The following CAMSAP3 variants were observed in gnomAD, a reference collection of about 807,000 sequenced individuals.
CAMSAP3 encodes calmodulin regulated spectrin associated protein family member 3.
In CAMSAP3, 34 loss-of-function variants were observed where a neutral mutation model predicts 112.5. The ratio of observed to expected loss-of-function variants is 0.30; its 90% CI spans 0.23 to 0.40. The LOEUF (loss-of-function observed/expected upper bound fraction) is 0.40, where lower values mean the gene tolerates loss of function less well. Ranked by LOEUF, CAMSAP3 falls within the 10% of genes least tolerant of loss-of-function variation. CAMSAP3 has a pLI of 1.00. For synonymous variants in CAMSAP3, 868 were observed against 799.8 expected (o/e 1.09, Z -1.44); for missense variants, 1,602 against 1,770.3 (o/e 0.90, Z 1.71).
Position 7,605,447 on chromosome 19 carries a change from G to A in CAMSAP3, c.370G>A (p.Glu124Lys), listed in dbSNP as rs2030163436. The change falls in exon 2 of 17, where the codon GAG becomes AAG. Residue 124 changes from glutamate to lysine, a missense_variant. Glu to Lys is a moderately conservative substitution (Grantham distance 56, BLOSUM62 1). This residue lies in a region of CAMSAP3 where 35 missense variants were observed against 79.8 expected (regional missense o/e 0.44). Coordinates refer to ENST00000160298, the MANE Select transcript of CAMSAP3 (RefSeq NM_020902.2). ...TGCTTTGCCCGAGCGCCCGGTGCGC[G>A]AGGCCGACCTGAGGCACCAGCCCAT... ...VPALPERPVR[E>K]ADLRHQPILM... 1.4e-6 allele frequency: 2 copies of A among 1,456,930 alleles called. No homozygotes were observed. Among genetic ancestry groups the A allele is most frequent in the Non-Finnish European group, 1.8e-6 (2 of 1,102,098 alleles). The allele number at this position is 1,456,930 out of a possible 1,614,324, so 90.3% of individuals were successfully genotyped here. A position where few individuals can be genotyped will look rare whatever the true frequency, so the allele number is the denominator to read the frequency against.
intron 2 of CAMSAP3, 135 bp from the exon 3 acceptor site, chr19:7,606,136 G>GCCCCCCCCCCCCCAAACCCCCC: frequency 2.0e-6 from 1 of 511,800 alleles, no homozygotes; most frequent in South Asian, 2.0e-5. Context: ...TGAACCACTG[G>GCCCCCCCCCCCCCAAACCCCCC]CCCCGCCCCC....
In CAMSAP3 at chr19:7,608,248, G is replaced by A. The variant is rs779426193; in HGVS notation, c.744G>A (p.Gln248=). 6.8e-6 allele frequency: 11 copies of A among 1,612,118 alleles called. No homozygotes were observed. Among genetic ancestry groups the A allele is most frequent in the Non-Finnish European group, 9.3e-6 (11 of 1,179,338 alleles). Residue 248 remains glutamine, a synonymous_variant, in exon 5 of 17, where the codon CAG becomes CAA. Transcript: ENST00000160298. Reference sequence around the variant, plus strand: ...CCACCATCCACTGCTATTGTCCCCAGCTGCTTCGACTTGAGGGTGAGTAAA... The same window carrying A: ...CCACCATCCACTGCTATTGTCCCCAACTGCTTCGACTTGAGGGTGAGTAAA... ...LAATIHCYCP[Q]LLRLEEVCLK...
chr19:7,611,959 AG>A lies in CAMSAP3; in HGVS notation c.1470del (p.Ser492ProfsTer71). ...ADGSFYLHSPEGPSKPSLASP... is the reference protein window; with the variant it reads ...ADGSFYLHSPXGPSKPSLASP... ...GGCAGCTTCTACCTCCACTCCCCTG[AG>A]GGGCCCTCCAAGCCATCCCTGGCCT... On this transcript the variant is annotated frameshift_variant, in exon 11 of 17. Coordinates refer to ENST00000160298, the MANE Select transcript of CAMSAP3 (RefSeq NM_020902.2). LOFTEE classifies it high-confidence loss of function. This position sits in a 1 kb window ranked among gnomAD's most constrained non-coding sequence, Gnocchi z 6.9. 1 of 1,610,610 alleles carries A rather than the reference AG, an allele frequency of 6.2e-7. No homozygotes were observed. The highest frequency in any genetic ancestry group is 8.5e-7 in the Non-Finnish European group (1 of 1,179,098).
At position 7,611,988 on chromosome 19, in the gene CAMSAP3, C is replaced by A. The variant is rs977705945; in HGVS notation, c.1495C>A (p.Pro499Thr). Residue 499 changes from proline to threonine, a missense_variant, in exon 11 of 17, where the codon CCC (proline) becomes ACC (threonine). Transcript: ENST00000160298. The surrounding 1 kb of genome is among the most constrained non-coding windows in gnomAD (Gnocchi z 6.9). ...EGPSKPSLASPYLPEGTSKPL... is the reference protein window; with the variant it reads ...EGPSKPSLASTYLPEGTSKPL... The stretch of plus-strand genomic sequence containing the variant: ...GCCCTCCAAGCCATCCCTGGCCTCC[C>A]CCTACCTGCCCGAGGGGACCTCCAA... 2 of 1,612,402 alleles carry A rather than the reference C, an allele frequency of 1.2e-6. No individual in the cohort carries two copies. Among genetic ancestry groups the A allele is most frequent in the African/African-American group, 1.3e-5 (1 of 74,956 alleles).
Position 7,595,965 on chromosome 19 carries a change from C to G in CAMSAP3, c.-38C>G. On this transcript the variant is annotated 5_prime_UTR_variant, in exon 1 of 17. Coordinates refer to ENST00000160298, the MANE Select transcript of CAMSAP3 (RefSeq NM_020902.2). The stretch of plus-strand genomic sequence containing the variant: ...GCGGCGCAGCCCAGCCCAGCCCAGT[C>G]CGAGCGCGGACCCGGCGCCCGCAGC... 2 of 1,021,530 alleles carry G rather than the reference C, an allele frequency of 2.0e-6. No homozygotes were observed. The highest frequency in any genetic ancestry group is 1.2e-6 in the Non-Finnish European group (1 of 845,620). 63.3% of individuals were successfully genotyped at this position (1,021,530 alleles called of 1,614,324 possible).
chr19:7,609,703 C>T (rs1312163895), intron 5 of CAMSAP3, among the ~76,000 whole-genome samples: 1 of 152,266 alleles, frequency 6.6e-6, no homozygotes, highest in African/African-American at 2.4e-5. Context: ...TCATGGGGAA[C>T]CAGTGGGAGC....
rs753158794 is a variant in CAMSAP3, at chr19:7,611,682, C to A, written c.1194-5C>A. On this transcript the variant is annotated splice_polypyrimidine_tract_variant and splice_region_variant and intron_variant, in intron 10 of 16. Transcript: ENST00000160298. The surrounding 1 kb of genome is among the most constrained non-coding windows in gnomAD (Gnocchi z 6.9). ...AGGGGCTGACCCCTCCCTCCGGCCGCCCAGCCGTCCCCTCTCCCAGGCTGT... is the reference window on the plus strand; with the variant it reads ...AGGGGCTGACCCCTCCCTCCGGCCGACCAGCCGTCCCCTCTCCCAGGCTGT... 19 of 1,562,056 alleles carry A rather than the reference C, an allele frequency of 1.2e-5. No individual in the cohort carries two copies. The highest frequency in any genetic ancestry group is 1.7e-5 in the Non-Finnish European group (19 of 1,151,358).
rs1050232366 is a variant in CAMSAP3, at chr19:7,610,681, C to T, written c.901-19C>T. The T allele has an allele frequency of 2.5e-6, 4 of 1,613,810 alleles. No homozygotes were observed. The highest frequency in any genetic ancestry group is 3.4e-6 in the Non-Finnish European group (4 of 1,180,004). On this transcript the variant is annotated intron_variant, in intron 6 of 16. Coordinates refer to ENST00000160298, the MANE Select transcript of CAMSAP3 (RefSeq NM_020902.2). This position sits in a 1 kb window ranked among gnomAD's most constrained non-coding sequence, Gnocchi z 4.9. ...TGGGGCCAGGGGTCCCGTCTGCTGACCCGGCCTCCCACCTCCAGGTCAACT... is the reference window on the plus strand; with the variant it reads ...TGGGGCCAGGGGTCCCGTCTGCTGATCCGGCCTCCCACCTCCAGGTCAACT...
At chr19:7,606,897 C>T (rs963888364) in intron 4 of CAMSAP3, 8 of 1,462,622 alleles carry the variant, frequency 5.5e-6, no homozygotes, top group Non-Finnish European at 5.8e-6. Flanking sequence ...CCTGTCTGCG[C>T]GCCCTCTCAT....
At position 7,617,431 on chromosome 19, in the gene CAMSAP3, G is replaced by A. The variant is rs911165558; in HGVS notation, c.3318G>A (p.Glu1106=). The change falls in exon 15 of 17, where the codon GAG becomes GAA. Residue 1106 remains glutamate, a synonymous_variant. Coordinates refer to ENST00000160298, the MANE Select transcript of CAMSAP3 (RefSeq NM_020902.2). This position sits in a 1 kb window ranked among gnomAD's most constrained non-coding sequence, Gnocchi z 7.5. ...SNASSPASVP[E]YTGPRLYKEP... is the part of the protein sequence containing the mutation. ...CCTCCTCCCCAGCGTCAGTGCCCGA[G>A]TACACAGGTAAGCAGGGGCTCTGGG... is the stretch of plus-strand genomic sequence containing the variant. 2.5e-6 allele frequency: 4 copies of A among 1,613,892 alleles called. No homozygotes were observed. Among genetic ancestry groups the A allele is most frequent in the Admixed American group, 1.7e-5 (1 of 60,020 alleles).
At chr19:7,606,700 C>A (rs954449363) in intron 4 of CAMSAP3, 129 bp downstream of exon 4, 61 of 1,593,340 alleles carry the variant, frequency 3.8e-5, no homozygotes, top group Non-Finnish European at 5.2e-5. Flanking sequence ...TTCTTCCCCC[C>A]TCTCTCAATC....
chr19:7,603,693 T>A (rs952643530), intron 1 of CAMSAP3, among the ~76,000 whole-genome samples: 1 of 151,924 alleles, frequency 6.6e-6, no homozygotes, highest in Non-Finnish European at 1.5e-5. Flanking sequence ...TATAAAAAAA[T>A]TTAAAAATTG....
chr19:7,609,343 A>T lies in CAMSAP3; in HGVS notation c.760+1079A>T, dbSNP rs1821220928. Among the ~76,000 whole-genome samples the T allele has an allele frequency of 2.0e-5, 3 of 151,618 alleles. No homozygotes were observed. In the South Asian group the frequency reaches 6.3e-4, roughly 32 times the overall value. ...AAAAAAAAAAAAAAAAAAGTATAAAATAGAGATGGGGTCTTGCTATGTTGC... is the reference window on the plus strand; with the variant it reads ...AAAAAAAAAAAAAAAAAAGTATAAATTAGAGATGGGGTCTTGCTATGTTGC... On this transcript the variant is annotated intron_variant, in intron 5 of 16. Coordinates refer to ENST00000160298, the MANE Select transcript of CAMSAP3 (RefSeq NM_020902.2).
chr19:7,605,590 C>T, intron 2 of CAMSAP3, 111 bp downstream of exon 2: 1 of 1,238,406 alleles, frequency 8.1e-7, no homozygotes, highest in Admixed American at 3.5e-5. Context: ...GTCTTGGCTC[C>T]TTTCAAGCTT....
chr19:7,598,967 A>C (rs181292625), intron 1 of CAMSAP3, among the ~76,000 whole-genome samples: 12 of 152,152 alleles, frequency 7.9e-5, no homozygotes, highest in African/African-American at 2.7e-4. Flanking sequence ...GGGTATAATA[A>C]TAAGTGTCGT....
intron 1 of CAMSAP3, among the ~76,000 whole-genome samples, chr19:7,602,445 G>A (rs986342152): frequency 8.5e-5 from 13 of 152,164 alleles, no homozygotes; most frequent in African/African-American, 2.9e-4. Context: ...AAAGAAACAC[G>A]TGTGATTTTG....
intron 14 of CAMSAP3, among the ~76,000 whole-genome samples, chr19:7,616,923 G>A (rs998018337): frequency 2.7e-5 from 4 of 145,682 alleles, no homozygotes; most frequent in Middle Eastern, 7.2e-3. Context: ...TCTGCAGTGT[G>A]TGTGGCCCGC....
chr19:7,616,730 T>C, intron 14 of CAMSAP3, 108 bp downstream of exon 14: 1 of 768,428 alleles, frequency 1.3e-6, no homozygotes, highest in Non-Finnish European at 2.2e-6. Context: ...CTCGAGTTTA[T>C]GGATACGCCA....
At chr19:7,596,621 T>C (rs1325620026) in intron 1 of CAMSAP3, among the ~76,000 whole-genome samples, 1 of 152,010 alleles carries the variant, frequency 6.6e-6, no homozygotes, top group Non-Finnish European at 1.5e-5. Context: ...CTGGGGGGTC[T>C]CGAGCGCTCC....
Sources: gnomAD v4.1 joint callset for allele counts (sites outside exome capture counted in the v4.1 genomes callset) on GRCh38, gnomAD v4.1.1 for gene constraint, gnomAD v4.1.1 regional missense constraint, Gnocchi (gnomAD v3.1) non-coding constraint, MANE v1.5 for transcripts, NCBI Gene and HGNC (gene_info 2026-07-23, HGNC 2026-07-21) for gene names.